The following PDLIM1 variants were observed in gnomAD, a reference collection of about 807,000 sequenced individuals.
PDLIM1 encodes PDZ and LIM domain protein 1.
In PDLIM1, 25 loss-of-function variants were observed where a neutral mutation model predicts 35.2. The observed-to-expected ratio is 0.71, with a 90% CI of 0.52 to 0.99. The LOEUF is 0.99. Ranked by LOEUF, PDLIM1 falls within the 50% of genes least tolerant of loss-of-function variation. The pLI, the probability that PDLIM1 is intolerant of heterozygous loss-of-function variation, is 0.00. For missense variants in PDLIM1, 363 were observed against 415.3 expected (o/e 0.87, Z 1.09); for synonymous variants, 152 against 154.0 (o/e 0.99, Z 0.10).
At chr10:95,269,377 G>C (rs1010774900) in intron 2 of PDLIM1, among the ~76,000 whole-genome samples, 1 of 151,996 alleles carries the variant, frequency 6.6e-6, no homozygotes, top group Non-Finnish European at 1.5e-5. Context: ...TTTGACATCA[G>C]CCTGGCCAAC....
rs753329631 is a variant in PDLIM1 at position 95,238,126 on chromosome 10, G to A, written c.804-15C>T. ...CAAACACACCACTACAGAAGCAAGG[G>A]AGGGAAGGGACTCCATCAGTGACAA... On this transcript the variant is annotated splice_polypyrimidine_tract_variant and intron_variant, in intron 6 of 6. Transcript: ENST00000329399. The A allele has an allele frequency of 1.6e-5, 25 of 1,607,208 alleles. No individual in the cohort carries two copies. Among genetic ancestry groups the A allele is most frequent in the Non-Finnish European group, 2.0e-5 (24 of 1,174,838 alleles).
intron 1 of PDLIM1, among the ~76,000 whole-genome samples, chr10:95,288,299 A>G (rs1246409300): frequency 1.3e-5 from 2 of 152,224 alleles, no homozygotes; most frequent in Non-Finnish European, 2.9e-5. Flanking sequence ...GAAAGCAAAC[A>G]TGGTTATTTA....
rs2035200923 is a variant in PDLIM1, at chr10:95,244,269, A to G, written c.685+2946T>C. Among the ~76,000 whole-genome samples the G allele has an allele frequency of 3.9e-5, 6 of 152,176 alleles. No individual in the cohort carries two copies. In the South Asian group the frequency reaches 1.2e-3, roughly 32 times the overall value. The stretch of plus-strand genomic sequence containing the variant: ...ATGAGACAGCTTGTGTTGGGTCTTC[A>G]AGGTTTATGACCAAATACTGCTGTA... On this transcript the variant is annotated intron_variant, in intron 5 of 6. Transcript: ENST00000329399.
At chr10:95,240,167 A>G (rs2035165847) in intron 5 of PDLIM1, among the ~76,000 whole-genome samples, 1 of 152,218 alleles carries the variant, frequency 6.6e-6, no homozygotes, top group Admixed American at 6.5e-5. Flanking sequence ...AAATCATTCT[A>G]TCATGAAAAT....
intron 1 of PDLIM1, among the ~76,000 whole-genome samples, chr10:95,275,493 T>C (rs745950901): frequency 1.3e-5 from 2 of 152,264 alleles, no homozygotes; most frequent in African/African-American, 2.4e-5. Flanking sequence ...TAATAAATGA[T>C]TGGCTCTAAA....
intron 1 of PDLIM1, among the ~76,000 whole-genome samples, chr10:95,283,417 C>A (rs2035575995): frequency 6.6e-6 from 1 of 152,158 alleles, no homozygotes; most frequent in Admixed American, 6.5e-5. Flanking sequence ...CTAGATCTAG[C>A]AGATATCAAA....
In PDLIM1 at chr10:95,284,999, G is replaced by A. The variant is rs150798080; in HGVS notation, c.96+5821C>T. Among the ~76,000 whole-genome samples the A allele has an allele frequency of 2.1e-3, 319 of 152,182 alleles. 9 individuals are homozygous for A. Among genetic ancestry groups the A allele is most frequent in the Admixed American group, 0.016 (238 of 15,272 alleles). On this transcript the variant is annotated intron_variant, in intron 1 of 6. Coordinates refer to ENST00000329399, the MANE Select transcript of PDLIM1 (RefSeq NM_020992.4). Reference sequence around the variant, plus strand: ...TGTCTTAGGTTTCATGGGTATATTCGGTTTTGGACTTAGCTTGGCTACCGC... The same window carrying A: ...TGTCTTAGGTTTCATGGGTATATTCAGTTTTGGACTTAGCTTGGCTACCGC...
At chr10:95,244,438 C>T (rs367982653) in intron 5 of PDLIM1, among the ~76,000 whole-genome samples, 1 of 152,320 alleles carries the variant, frequency 6.6e-6, no homozygotes, top group East Asian at 1.9e-4. Flanking sequence ...CTTAGAAAGG[C>T]AAGCAACTTG....
rs544834436 is a variant in PDLIM1 at position 95,288,091 on chromosome 10, C to A, written c.96+2729G>T. ...TTTTGGGTGCTGCAATATTCTATTT[C>A]TTGACTTGGGTAGTGATTATACAGA... On this transcript the variant is annotated intron_variant, in intron 1 of 6. Transcript: ENST00000329399. 3.9e-5 allele frequency among the ~76,000 whole-genome samples: 6 copies of A among 152,198 alleles called. No individual in the cohort carries two copies. The East Asian group carries it at 1.2e-3, about 29-fold the overall frequency.
At chr10:95,270,083 A>C (rs2035450727) in intron 2 of PDLIM1, among the ~76,000 whole-genome samples, 2 of 152,162 alleles carry the variant, frequency 1.3e-5, no homozygotes. Context: ...GATATACAAG[A>C]TGTCCCTTTT....
At chr10:95,264,716 C>T (rs1160921641) in intron 3 of PDLIM1, among the ~76,000 whole-genome samples, 8 of 152,076 alleles carry the variant, frequency 5.3e-5, no homozygotes, top group Non-Finnish European at 1.2e-4. Context: ...AGCAGAGCTG[C>T]AGAAAAGGAC....
rs954413403 is a variant in PDLIM1, at chr10:95,290,296, C to A, written c.96+524G>T. 3.3e-5 allele frequency among the ~76,000 whole-genome samples: 5 copies of A among 152,104 alleles called. No homozygotes were observed. Among genetic ancestry groups the A allele is most frequent in the African/African-American group, 1.2e-4 (5 of 41,414 alleles). ...TCCAGCACATTCTCCAAAAGCCATTCGAGGGGCGAGCCTCGGCCGTGGGTC... is the reference window on the plus strand; with the variant it reads ...TCCAGCACATTCTCCAAAAGCCATTAGAGGGGCGAGCCTCGGCCGTGGGTC... On this transcript the variant is annotated intron_variant, in intron 1 of 6. Transcript: ENST00000329399. The surrounding 1 kb of genome is among the most constrained non-coding windows in gnomAD (Gnocchi z 4.7).
intron 5 of PDLIM1, among the ~76,000 whole-genome samples, chr10:95,246,454 G>A (rs560726213): frequency 4.9e-4 from 74 of 152,242 alleles, no homozygotes; most frequent in Middle Eastern, 3.4e-3. Flanking sequence ...AGAACCCTAC[G>A]GGGTGACCCT....
chr10:95,285,578 G>A (rs1320105138), intron 1 of PDLIM1, among the ~76,000 whole-genome samples: 2 of 152,198 alleles, frequency 1.3e-5, no homozygotes, highest in Admixed American at 1.3e-4. Context: ...GAATACAGAA[G>A]AAGATAATGT....
intron 1 of PDLIM1, among the ~76,000 whole-genome samples, chr10:95,287,819 A>G (rs1187882748): frequency 6.6e-6 from 1 of 151,954 alleles, no homozygotes; most frequent in Non-Finnish European, 1.5e-5. Context: ...GGGTAAAAGA[A>G]GCTAGCCTAT....
chr10:95,238,083 G>C lies in PDLIM1; in HGVS notation c.832C>G (p.His278Asp). 1 of 1,614,036 alleles carries C rather than the reference G, an allele frequency of 6.2e-7. No individual in the cohort carries two copies. The highest frequency in any genetic ancestry group is 1.7e-5 in the Admixed American group (1 of 60,016). The stretch of plus-strand genomic sequence containing the variant: ...CACACATAACACTCAGGGTGGCGGT[G>C]ACGGTCCCGCAGCTTCACAAACACA... ...VGVFVKLRDR[H>D]RHPECYVCTD... The change falls in exon 7 of 7, where the codon CAC (histidine) becomes GAC (aspartate). Residue 278 changes from histidine (H) to aspartate (D), a missense_variant. Physicochemically the swap from His to Asp is moderately conservative, Grantham distance 81. Coordinates refer to ENST00000329399, the MANE Select transcript of PDLIM1 (RefSeq NM_020992.4).
chr10:95,257,010 G>GAAAAGAAAAGA (rs368985790), intron 4 of PDLIM1, among the ~76,000 whole-genome samples: 3 of 106,594 alleles, frequency 2.8e-5, no homozygotes, highest in Admixed American at 1.0e-4. Flanking sequence ...AAGAAAGAAA[G>GAAAAGAAAAGA]AAAGAAAGAA....
intron 1 of PDLIM1, among the ~76,000 whole-genome samples, chr10:95,274,062 C>T (rs2035489834): frequency 6.6e-6 from 1 of 152,112 alleles, no homozygotes; most frequent in South Asian, 2.1e-4. Context: ...GAGCAGTCCC[C>T]TTAGGATGAA....
At chr10:95,270,420 A>G (rs2035454541) in intron 2 of PDLIM1, among the ~76,000 whole-genome samples, 1 of 152,176 alleles carries the variant, frequency 6.6e-6, no homozygotes, top group Admixed American at 6.5e-5. Flanking sequence ...AGCTAAGGTT[A>G]GTGAGATAAC....
Sources: allele counts gnomAD v4.1 joint callset (sites outside exome capture counted in the v4.1 genomes callset), GRCh38; gene constraint gnomAD v4.1.1; non-coding constraint Gnocchi (gnomAD v3.1); transcripts MANE v1.5; gene names NCBI Gene and HGNC (gene_info 2026-07-23, HGNC 2026-07-21).